CCDC88C: variants seen among roughly 807,000 people sequenced by gnomAD.
CCDC88C encodes coiled-coil and HOOK domain protein 88C.
A neutral mutation model predicts 198.8 loss-of-function variants in CCDC88C; 131 were observed. The observed-to-expected ratio is 0.66, with a 90% CI of 0.57 to 0.76. The LOEUF is 0.76. Ranked by LOEUF, CCDC88C falls within the 30% of genes least tolerant of loss-of-function variation. CCDC88C has a pLI of 0.00. For missense variants in CCDC88C, 2,553 were observed against 2,631.6 expected (o/e 0.97, Z 0.65); for synonymous variants, 1,166 against 1,114.7 (o/e 1.05, Z -0.92).
intron 19 of CCDC88C, 138 bp downstream of exon 19, chr14:91,305,627 C>G: frequency 1.3e-6 from 1 of 753,690 alleles, no homozygotes; most frequent in Non-Finnish European, 2.0e-6. Flanking sequence ...CAGCGGGTCT[C>G]TATTAACAAA....
At chr14:91,305,682 C>T (rs56140907) in intron 19 of CCDC88C, 83 bp downstream of exon 19, 33,128 of 1,388,192 alleles carry the variant, frequency 0.024, 478 homozygotes, top group Middle Eastern at 0.046. Context: ...TTGAGGAGTC[C>T]TAATGCCCCC....
chr14:91,396,731 G>A (rs904880973), intron 3 of CCDC88C, among the ~76,000 whole-genome samples: 1 of 152,146 alleles, frequency 6.6e-6, no homozygotes. Flanking sequence ...CCCAAGATGG[G>A]CTCATAAACA....
In CCDC88C at chr14:91,338,425, C is replaced by A; in HGVS notation, c.891+64G>T. ...GCTGTTGAGCTCCTGACCCTCCAGG[C>A]CCCGTTACTGGACACTCCAGCCCTG... is the stretch of plus-strand genomic sequence containing the variant. On this transcript the variant is annotated intron_variant, in intron 9 of 29. Transcript: ENST00000389857. This position sits in a 1 kb window ranked among gnomAD's most constrained non-coding sequence, Gnocchi z 4.8. The A allele has an allele frequency of 7.2e-7, 1 of 1,393,756 alleles. No individual in the cohort carries two copies. Among genetic ancestry groups the A allele is most frequent in the Non-Finnish European group, 1.0e-6 (1 of 1,003,952 alleles). The allele number at this position is 1,393,756 out of a possible 1,614,324, so 86.3% of individuals were successfully genotyped here. A position where few individuals can be genotyped will look rare whatever the true frequency, so the allele number is the denominator to read the frequency against.
chr14:91,407,470 T>C (rs537735337), intron 3 of CCDC88C, among the ~76,000 whole-genome samples: 2 of 152,284 alleles, frequency 1.3e-5, no homozygotes, highest in East Asian at 3.9e-4. Flanking sequence ...TGGTCACATG[T>C]TTAGTGAAAC....
At position 91,281,724 on chromosome 14, in the gene CCDC88C, G is replaced by A. The variant is rs969521892; in HGVS notation, c.4631-199C>T. ...CTGCTGGGACAACCCTGACACTCCC[G>A]ATTCCCATCCCCTTTAAATCACACT... is the stretch of plus-strand genomic sequence containing the variant. On this transcript the variant is annotated intron_variant, in intron 26 of 29. Transcript: ENST00000389857. 1.5e-4 allele frequency among the ~76,000 whole-genome samples: 23 copies of A among 152,094 alleles called. 1 individual carries two copies. Among genetic ancestry groups the A allele is most frequent in the African/African-American group, 4.8e-4 (20 of 41,414 alleles).
rs1303284426 is a variant in CCDC88C, at chr14:91,297,488, G to C, written c.3783C>G (p.Val1261=). Residue 1261 remains valine, a synonymous_variant, in exon 22 of 30, where the codon GTC becomes GTG. Transcript: ENST00000389857. ...NQRLRGELDR[V]NFLHHQLKGE... ...CCTTCAGCTGGTGGTGCAGGAAATT[G>C]ACCCTGGAGGAGGAAGAGTCACAGG... 3.2e-6 allele frequency: 5 copies of C among 1,554,032 alleles called. No homozygotes were observed. Among genetic ancestry groups the C allele is most frequent in the Non-Finnish European group, 4.4e-6 (5 of 1,148,260 alleles).
At position 91,411,358 on chromosome 14, in the gene CCDC88C, G is replaced by A. The variant is rs999441318; in HGVS notation, c.162-2591C>T. 7.2e-5 allele frequency among the ~76,000 whole-genome samples: 11 copies of A among 152,158 alleles called. 1 individual carries two copies. Among genetic ancestry groups the A allele is most frequent in the African/African-American group, 1.2e-4 (5 of 41,426 alleles). Reference sequence around the variant, plus strand: ...TGCAAAATGGCTACAGGATCCTTCCGGCCTTCAAAGTCTATATGGTTCCAT... The same window carrying A: ...TGCAAAATGGCTACAGGATCCTTCCAGCCTTCAAAGTCTATATGGTTCCAT... On this transcript the variant is annotated intron_variant, in intron 2 of 29. Transcript: ENST00000389857.
At chr14:91,383,888 T>G (rs1884964092) in intron 3 of CCDC88C, among the ~76,000 whole-genome samples, 1 of 152,200 alleles carries the variant, frequency 6.6e-6, no homozygotes, top group Non-Finnish European at 1.5e-5. Flanking sequence ...ATGTAAACTT[T>G]TCCAGTAATG....
intron 3 of CCDC88C, among the ~76,000 whole-genome samples, chr14:91,393,057 C>T (rs993015535): frequency 2.0e-5 from 3 of 152,192 alleles, no homozygotes; most frequent in African/African-American, 7.2e-5. Context: ...AGTCCGCTCC[C>T]GGAAACGGCC....
chr14:91,356,892 C>A (rs1373633026), intron 4 of CCDC88C, among the ~76,000 whole-genome samples: 2 of 152,024 alleles, frequency 1.3e-5, no homozygotes, highest in Non-Finnish European at 2.9e-5. Flanking sequence ...AGAGGGGGAG[C>A]ACCAGCAGGA....
chr14:91,281,614 C>A, intron 26 of CCDC88C, 89 bp from the exon 27 acceptor site: 1 of 1,096,298 alleles, frequency 9.1e-7, no homozygotes, highest in East Asian at 2.5e-5. Context: ...ACCCGGATCC[C>A]AGTAGCTCCA....
chr14:91,400,311 T>C (rs1886098016), intron 3 of CCDC88C, among the ~76,000 whole-genome samples: 1 of 152,246 alleles, frequency 6.6e-6, no homozygotes, highest in African/African-American at 2.4e-5. Flanking sequence ...AGCTAGGGAA[T>C]GGGGATCGGG....
intron 23 of CCDC88C, among the ~76,000 whole-genome samples, chr14:91,293,905 G>GA (rs1307875233): frequency 1.3e-5 from 2 of 152,214 alleles, no homozygotes; most frequent in Non-Finnish European, 2.9e-5. Context: ...TTTTTCAAGT[G>GA]AATTTAATTC....
chr14:91,319,477 C>CCA (rs1393783650), intron 13 of CCDC88C, among the ~76,000 whole-genome samples: 1 of 152,222 alleles, frequency 6.6e-6, no homozygotes, highest in East Asian at 1.9e-4. Flanking sequence ...GCTTGTTTTA[C>CCA]CACAGCAAGA....
chr14:91,417,673 C>G lies in CCDC88C; in HGVS notation c.18G>C (p.Ser6=), dbSNP rs768871715. 16 of 1,581,562 alleles carry G rather than the reference C, an allele frequency of 1.0e-5. No individual in the cohort carries two copies. The South Asian group carries it at 1.7e-4, about 17-fold the overall frequency. ...TCTGCAGGAAGAGCTCCAGGAGCTC[C>G]GAGACTGTCACGTCCATGCTGAGGC... MDVTV[S]ELLELFLQSP... Residue 6 remains serine, a synonymous_variant, in exon 1 of 30, where the codon TCG becomes TCC. Coordinates refer to ENST00000389857, the MANE Select transcript of CCDC88C (RefSeq NM_001080414.4).
chr14:91,338,563 T>C lies in CCDC88C; in HGVS notation c.817A>G (p.Lys273Glu), dbSNP rs753198706. 1 of 1,563,448 alleles carries C rather than the reference T, an allele frequency of 6.4e-7. No homozygotes were observed. Among genetic ancestry groups the C allele is most frequent in the Non-Finnish European group, 8.7e-7 (1 of 1,153,994 alleles). ...CTGGTGTCCACAAGCTGCTCTGTCT[T>C]ATCCTCCCTGCAGAGGCAGTAAGGA... The part of the protein sequence containing the change: ...LRRVRQELED[K>E]TEQLVDTRHE... Residue 273 changes from lysine to glutamate, a missense_variant, in exon 9 of 30, where the codon AAG (lysine) becomes GAG (glutamate). This residue lies in a region of CCDC88C where 1,260 missense variants were observed against 1,412.0 expected (regional missense o/e 0.89). Coordinates refer to ENST00000389857, the MANE Select transcript of CCDC88C (RefSeq NM_001080414.4). This position sits in a 1 kb window ranked among gnomAD's most constrained non-coding sequence, Gnocchi z 4.8.
chr14:91,406,244 T>G (rs1052547000), intron 3 of CCDC88C, among the ~76,000 whole-genome samples: 8 of 152,106 alleles, frequency 5.3e-5, no homozygotes, highest in Non-Finnish European at 8.8e-5. Context: ...ACAGCAGAAG[T>G]CCTCCTGGAC....
chr14:91,360,252 TCACACACACACA>T (rs57026211), intron 3 of CCDC88C, among the ~76,000 whole-genome samples: 1,741 of 144,220 alleles, frequency 0.012, 25 homozygotes, highest in African/African-American at 0.034. Context: ...GACCCCATCT[TCACACACACACA>T]CACACACACA....
At chr14:91,366,269 T>C (rs749273912) in intron 3 of CCDC88C, among the ~76,000 whole-genome samples, 1 of 151,612 alleles carries the variant, frequency 6.6e-6, no homozygotes, top group Non-Finnish European at 1.5e-5. Context: ...GCGGGTCACC[T>C]GAGGTCAGGA....
Sources: allele counts gnomAD v4.1 joint callset (sites outside exome capture counted in the v4.1 genomes callset), GRCh38; gene constraint gnomAD v4.1.1; regional missense constraint gnomAD v4.1.1; non-coding constraint Gnocchi (gnomAD v3.1); transcripts MANE v1.5; gene names NCBI Gene and HGNC (gene_info 2026-07-23, HGNC 2026-07-21).